Variants in MAP4 observed in about 807,000 individuals in gnomAD.
The protein encoded by MAP4 is microtubule-associated protein 4.
In MAP4, 76 loss-of-function variants were observed where a neutral mutation model predicts 170.2. The observed-to-expected ratio is 0.45, with a 90% CI of 0.37 to 0.54. The LOEUF is 0.54. Ranked by LOEUF, MAP4 falls within the 20% of genes least tolerant of loss-of-function variation. The probability of loss-of-function intolerance (pLI) is 0.00; values close to 1 mark genes in which losing one functional copy is unlikely to be tolerated. For synonymous variants in MAP4, 909 were observed against 994.5 expected, an observed-to-expected ratio of 0.91 and a Z score of 1.62; for missense variants, 2,506 against 2,748.0, an observed-to-expected ratio of 0.91 and a Z score of 1.97.
At chr3:47,892,283 C>T in intron 10 of MAP4, 1 of 1,536,312 alleles carries the variant, frequency 6.5e-7, no homozygotes, top group Non-Finnish European at 8.7e-7. Flanking sequence ...CTCCAGGAAG[C>T]TGGCATTCTT....
intron 1 of MAP4, among the ~76,000 whole-genome samples, chr3:48,086,082 GTATGTATGTGTGTATATA>G (rs1451993884): frequency 6.6e-6 from 1 of 150,812 alleles, no homozygotes; most frequent in Non-Finnish European, 1.5e-5. Context: ...GTGTGTATAT[GTATGTATGTGTGTATATA>G]TATGTATATG....
Position 47,870,917 on chromosome 3 carries a change from G to A in MAP4, c.6190C>T (p.Arg2064Trp), listed in dbSNP as rs754738213. 5.6e-6 allele frequency: 9 copies of A among 1,613,182 alleles called. No individual in the cohort carries two copies. The highest frequency in any genetic ancestry group is 1.7e-5 in the Admixed American group (1 of 59,896). Residue 2064 changes from arginine to tryptophan, a missense_variant, in exon 15 of 21, where the codon CGG becomes TGG. Transcript: ENST00000683076. ...TSAKPSSTTP[R>W]LSRLATNTSA... ...GTATTGGTGGCCAGGCGGCTGAGCC[G>A]GGGGGTGGTGGAGCTGGGTTTGGCC...
chr3:47,869,176 A>G, intron 16 of MAP4, 38 bp downstream of exon 16: 1 of 1,463,724 alleles, frequency 6.8e-7, no homozygotes, highest in South Asian at 1.1e-5. Flanking sequence ...GTATTTTACC[A>G]TCTTCACCTT....
chr3:47,867,394 GAC>G (rs1311524813), intron 16 of MAP4, 56 bp from the exon 17 acceptor site: 1 of 1,203,044 alleles, frequency 8.3e-7, no homozygotes, highest in Non-Finnish European at 1.2e-6. Context: ...GGTTAGAACC[GAC>G]ACAGGGAAGG....
intron 3 of MAP4, among the ~76,000 whole-genome samples, chr3:47,960,036 G>C (rs2100070584): frequency 6.6e-6 from 1 of 151,896 alleles, no homozygotes; most frequent in African/African-American, 2.4e-5. Context: ...CTAACTTTTT[G>C]TATTTTTAGT....
intron 1 of MAP4, among the ~76,000 whole-genome samples, chr3:48,072,910 AG>A (rs1232734162): frequency 6.6e-6 from 1 of 152,206 alleles, no homozygotes; most frequent in East Asian, 1.9e-4. Context: ...TCTGACTTCA[AG>A]GGACTCTCAG....
intron 17 of MAP4, among the ~76,000 whole-genome samples, chr3:47,859,366 G>C (rs1215224863): frequency 2.0e-5 from 3 of 152,182 alleles, no homozygotes; most frequent in African/African-American, 7.2e-5. Flanking sequence ...TTGGTGTCAG[G>C]AAATATAGTC....
At chr3:47,934,247 C>A (rs2100051501) in intron 3 of MAP4, among the ~76,000 whole-genome samples, 1 of 152,082 alleles carries the variant, frequency 6.6e-6, no homozygotes, top group Non-Finnish European at 1.5e-5. Context: ...GGTTTTGAAC[C>A]CTACTTTTCC....
Position 47,909,781 on chromosome 3 carries a change from T to A in MAP4, c.4640A>T (p.His1547Leu). The change falls in exon 9 of 21, where the codon CAT becomes CTT. Residue 1547 changes from histidine (H) to leucine (L), a missense_variant. By Grantham distance (99) the His-to-Leu change is moderately conservative (BLOSUM62 -3). This residue lies in a region of MAP4 where 2,008 missense variants were observed against 2,206.0 expected (regional missense o/e 0.91). Coordinates refer to ENST00000683076, the MANE Select transcript of MAP4 (RefSeq NM_001385682.1). ...MKNEAGIDEG[H>L]VIGESESVHS... ...CACTGACTCAGATTCTCCTATCACATGCCCTTCATCGATCCCTGCTTCATT... is the reference window on the plus strand; with the variant it reads ...CACTGACTCAGATTCTCCTATCACAAGCCCTTCATCGATCCCTGCTTCATT... The A allele has an allele frequency of 1.2e-6, 2 of 1,614,048 alleles. No homozygotes were observed. The highest frequency in any genetic ancestry group is 1.6e-4 in the Middle Eastern group (1 of 6,062).
chr3:47,928,755 G>A (rs2100047603), intron 3 of MAP4, among the ~76,000 whole-genome samples: 1 of 151,718 alleles, frequency 6.6e-6, no homozygotes, highest in African/African-American at 2.4e-5. Context: ...GGCACGAAGA[G>A]GGTAGTGATT....
chr3:47,901,531 C>T (rs1004151147), intron 10 of MAP4, among the ~76,000 whole-genome samples: 2 of 151,966 alleles, frequency 1.3e-5, no homozygotes, highest in Admixed American at 1.3e-4. Flanking sequence ...CAAAAATTAG[C>T]CGGGCACGGA....
chr3:48,061,549 C>G (rs1246411288), intron 1 of MAP4, among the ~76,000 whole-genome samples: 1 of 152,240 alleles, frequency 6.6e-6, no homozygotes, highest in Non-Finnish European at 1.5e-5. Flanking sequence ...CTACAACCTC[C>G]ACCTCCCAGC....
At chr3:47,904,169 A>T (rs2100031610) in intron 9 of MAP4, among the ~76,000 whole-genome samples, 1 of 152,190 alleles carries the variant, frequency 6.6e-6, no homozygotes, top group South Asian at 2.1e-4. Flanking sequence ...TTCACCAGCT[A>T]TGTGACCTTG....
chr3:47,854,243 G>C (rs538744698), intron 19 of MAP4, among the ~76,000 whole-genome samples: 1 of 152,242 alleles, frequency 6.6e-6, no homozygotes, highest in Non-Finnish European at 1.5e-5. Context: ...TTGGAAAAGA[G>C]ACTAAAGCCA....
chr3:48,055,918 C>T (rs1579628283), intron 1 of MAP4, among the ~76,000 whole-genome samples: 1 of 53,656 alleles, frequency 1.9e-5, no homozygotes, highest in African/African-American at 4.3e-5. Context: ...AGGTGAGGAG[C>T]GTCTCTGCCC....
intron 2 of MAP4, among the ~76,000 whole-genome samples, chr3:47,978,698 G>C (rs2100083643): frequency 6.6e-6 from 1 of 151,292 alleles, no homozygotes; most frequent in Non-Finnish European, 1.5e-5. Flanking sequence ...ATTGCATGGA[G>C]GTAACCAGCT....
chr3:47,978,084 G>A, intron 2 of MAP4, 151 bp from the exon 3 acceptor site: 1 of 564,198 alleles, frequency 1.8e-6, no homozygotes, highest in Non-Finnish European at 3.3e-6. Context: ...TTTAACAAAA[G>A]GAAACCCAGA....
intron 1 of MAP4, among the ~76,000 whole-genome samples, chr3:48,082,067 C>T (rs942588890): frequency 5.3e-5 from 8 of 151,834 alleles, no homozygotes; most frequent in African/African-American, 1.9e-4. Context: ...GGATTATAAG[C>T]AAAGAAAAAA....
At chr3:48,021,073 A>C (rs2100110313), upstream of MAP4, among the ~76,000 whole-genome samples, 1 of 152,216 alleles carries the variant, frequency 6.6e-6, no homozygotes, top group African/African-American at 2.4e-5. Flanking sequence ...ATTAATCAAC[A>C]ATCTACCTAA....
Sources: allele counts gnomAD v4.1 joint callset (sites outside exome capture counted in the v4.1 genomes callset), GRCh38; gene constraint gnomAD v4.1.1; regional missense constraint gnomAD v4.1.1; transcripts MANE v1.5; gene names NCBI Gene and HGNC (gene_info 2026-07-23, HGNC 2026-07-21).